Variants in RIC8B observed in about 807,000 individuals in gnomAD.
The protein encoded by RIC8B is chaperone Ric-8B.
RIC8B carries 16 observed loss-of-function variants against 57.5 expected under a neutral mutation model. That is an observed-to-expected ratio of 0.28 (90% CI 0.19 to 0.42). RIC8B has a LOEUF of 0.42. RIC8B is among the 10% of genes least tolerant of loss of function. The pLI is 1.00. For synonymous variants in RIC8B, 216 were observed against 250.8 expected, an observed-to-expected ratio of 0.86 and a Z score of 1.31; for missense variants, 481 against 677.0, an observed-to-expected ratio of 0.71 and a Z score of 3.21.
intron 4 of RIC8B, among the ~76,000 whole-genome samples, chr12:106,827,031 C>T (rs61943311): frequency 2.6e-5 from 4 of 152,194 alleles, no homozygotes; most frequent in African/African-American, 4.8e-5. Flanking sequence ...GCCGAAATTC[C>T]GCCACTGTAC....
intron 7 of RIC8B, among the ~76,000 whole-genome samples, chr12:106,858,939 A>G (rs1488744301): frequency 6.6e-6 from 1 of 152,048 alleles, no homozygotes; most frequent in Non-Finnish European, 1.5e-5. Flanking sequence ...CTCTGATCAT[A>G]TATACCCACT....
intron 2 of RIC8B, among the ~76,000 whole-genome samples, chr12:106,784,497 A>G (rs139871270): frequency 6.6e-6 from 1 of 152,186 alleles, no homozygotes; most frequent in Non-Finnish European, 1.5e-5. Context: ...CCCAGTAGCT[A>G]GAGCTACAGG....
At chr12:106,837,239 G>A (rs374207604) in intron 4 of RIC8B, among the ~76,000 whole-genome samples, 2 of 152,110 alleles carry the variant, frequency 1.3e-5, no homozygotes, top group African/African-American at 4.8e-5. Flanking sequence ...GCACACATCT[G>A]TAATTCCAGC....
intron 7 of RIC8B, among the ~76,000 whole-genome samples, chr12:106,852,888 T>G (rs186643997): frequency 1.3e-3 from 205 of 152,390 alleles, no homozygotes; most frequent in African/African-American, 4.7e-3. Context: ...TAGTTATCTG[T>G]AAATATTGGC....
At chr12:106,882,828 T>G (rs1182289904) in intron 9 of RIC8B, among the ~76,000 whole-genome samples, 2 of 152,088 alleles carry the variant, frequency 1.3e-5, no homozygotes, top group African/African-American at 4.8e-5. Context: ...AGCTTCCATT[T>G]TAGTGGGGGT....
chr12:106,834,765 C>T (rs1242271152), intron 4 of RIC8B, among the ~76,000 whole-genome samples: 3 of 152,006 alleles, frequency 2.0e-5, no homozygotes, highest in Middle Eastern at 3.4e-3. Flanking sequence ...AGGCAGATCA[C>T]GAGGTCAAGA....
intron 4 of RIC8B, among the ~76,000 whole-genome samples, chr12:106,837,643 T>G (rs1392453865): frequency 6.8e-6 from 1 of 147,026 alleles, no homozygotes; most frequent in Non-Finnish European, 1.5e-5. Flanking sequence ...TCTTTTGTTT[T>G]TTTTTTTTTT....
intron 5 of RIC8B, 119 bp downstream of exon 5, chr12:106,842,936 G>T: frequency 1.7e-6 from 1 of 600,730 alleles, no homozygotes. Context: ...TCTGACTGAT[G>T]TGCTGCATAA....
At chr12:106,806,902 T>C (rs945805953) in intron 2 of RIC8B, among the ~76,000 whole-genome samples, 1 of 152,194 alleles carries the variant, frequency 6.6e-6, no homozygotes, top group African/African-American at 2.4e-5. Flanking sequence ...TGCTTAGGGC[T>C]CCAGCCACAT....
chr12:106,842,047 T>C (rs915216194), intron 4 of RIC8B, among the ~76,000 whole-genome samples: 1 of 152,224 alleles, frequency 6.6e-6, no homozygotes, highest in African/African-American at 2.4e-5. Flanking sequence ...TCCCTTTTTC[T>C]GCATATGTCT....
At chr12:106,797,912 C>T (rs555724883) in intron 2 of RIC8B, 7 of 572,740 alleles carry the variant, frequency 1.2e-5, no homozygotes, top group Middle Eastern at 3.4e-4. Context: ...TACTGCCGCT[C>T]ATTAATAATT....
chr12:106,834,842 G>A (rs1232334040), intron 4 of RIC8B, among the ~76,000 whole-genome samples: 1 of 151,848 alleles, frequency 6.6e-6, no homozygotes, highest in Non-Finnish European at 1.5e-5. Flanking sequence ...AAATCAGCCA[G>A]GTGTGGTGGC....
At chr12:106,790,694 T>C (rs1221711319) in intron 2 of RIC8B, among the ~76,000 whole-genome samples, 1 of 152,192 alleles carries the variant, frequency 6.6e-6, no homozygotes, top group Non-Finnish European at 1.5e-5. Context: ...AGAGTACTAA[T>C]TGCAATAAGT....
chr12:106,826,506 C>A (rs2046104641), intron 4 of RIC8B, among the ~76,000 whole-genome samples: 1 of 152,210 alleles, frequency 6.6e-6, no homozygotes, highest in African/African-American at 2.4e-5. Flanking sequence ...GTAAACCCAA[C>A]ACTTTGGGAG....
chr12:106,807,222 C>A lies in RIC8B; in HGVS notation c.133-7474C>A, dbSNP rs1160041821. 2.0e-5 allele frequency among the ~76,000 whole-genome samples: 3 copies of A among 152,170 alleles called. No homozygotes were observed. In the East Asian group the frequency reaches 5.8e-4, roughly 29 times the overall value. The stretch of plus-strand genomic sequence containing the variant: ...TTCTGTATGGTACATCAATGGGATA[C>A]CATATTTCAAAGCTGTATTATATTT... On this transcript the variant is annotated intron_variant, in intron 2 of 9. Coordinates refer to ENST00000392837, the MANE Select transcript of RIC8B (RefSeq NM_001330145.2).
At chr12:106,871,500 C>CAAAAAAAAAAAAAAAAAAAAAAAAAAA (rs1566169701) in intron 9 of RIC8B, 1 of 66,576 alleles carries the variant, frequency 1.5e-5, no homozygotes, top group African/African-American at 6.0e-5. Context: ...AAAAAAAAAC[C>CAAAAAAAAAAAAAAAAAAAAAAAAAAA]AAAAAACTCC....
intron 2 of RIC8B, among the ~76,000 whole-genome samples, chr12:106,791,589 A>T (rs1468795001): frequency 1.3e-5 from 2 of 152,184 alleles, no homozygotes; most frequent in Non-Finnish European, 2.9e-5. Flanking sequence ...CATTTCAAAT[A>T]CTTTTTTCTT....
chr12:106,822,732 A>G (rs1321622757), intron 3 of RIC8B: 1 of 152,278 alleles, frequency 6.6e-6, no homozygotes, highest in African/African-American at 2.4e-5. Context: ...GCCAGTGATG[A>G]ACAGGGTGGG....
chr12:106,835,548 C>G (rs2046558067), intron 4 of RIC8B, among the ~76,000 whole-genome samples: 1 of 152,184 alleles, frequency 6.6e-6, no homozygotes, highest in Admixed American at 6.5e-5. Context: ...AGAGGTAGGA[C>G]AAGGCCTAGA....
Sources: allele counts gnomAD v4.1 joint callset (sites outside exome capture counted in the v4.1 genomes callset), GRCh38; gene constraint gnomAD v4.1.1; transcripts MANE v1.5; gene names NCBI Gene and HGNC (gene_info 2026-07-23, HGNC 2026-07-21).